CHD8: variants seen among roughly 807,000 people sequenced by gnomAD.
The protein encoded by CHD8 is ATP-dependent chromatin remodeler CHD8.
Under a neutral mutation model 279.2 loss-of-function variants are expected in CHD8, and 31 were observed. The ratio of observed to expected loss-of-function variants is 0.11; its 90% CI spans 0.08 to 0.15. The LOEUF (loss-of-function observed/expected upper bound fraction) is 0.15. Ranked by LOEUF, CHD8 falls within the 10% of genes least tolerant of loss-of-function variation. CHD8 has a pLI of 1.00. For missense variants in CHD8, 2,146 were observed against 3,230.5 expected, an observed-to-expected ratio of 0.66 and a Z score of 8.14; for synonymous variants, 1,081 against 1,139.6, an observed-to-expected ratio of 0.95 and a Z score of 1.04.
rs781420567 is a variant in CHD8 at position 21,431,016 on chromosome 14, G to A, written c.628C>T (p.Pro210Ser). The A allele has an allele frequency of 5.0e-6, 8 of 1,599,528 alleles. No individual in the cohort carries two copies. The South Asian group carries it at 7.7e-5, about 15-fold the overall frequency. Residue 210 changes from proline to serine, a missense_variant, in exon 2 of 38, where the codon CCC (proline) becomes TCC (serine). Coordinates refer to ENST00000646647, the MANE Select transcript of CHD8 (RefSeq NM_001170629.2). The stretch of plus-strand genomic sequence containing the variant: ...ACAATGGAAACACCTGGTCGAAGGG[G>A]TGTGCCGGTTAGCACTTTGGTAAAA... ...VTFTKVLTGT[P>S]LRPGVSIVSG... is the part of the protein sequence containing the mutation.
At chr14:21,414,699 A>G (rs765121502) in intron 8 of CHD8, 17 of 599,716 alleles carry the variant, frequency 2.8e-5, no homozygotes, top group Non-Finnish European at 5.0e-5. Context: ...AAACTAAGGT[A>G]AAGAGAATCA....
chr14:21,392,430 A>G, intron 34 of CHD8, 77 bp downstream of exon 34: 1 of 1,362,600 alleles, frequency 7.3e-7, no homozygotes, highest in Non-Finnish European at 1.0e-6. Flanking sequence ...TGAGTTTAGT[A>G]ACCTATTAGT....
chr14:21,449,018 C>CA (rs1381597187), intron 1 of CHD8, among the ~76,000 whole-genome samples: 3 of 151,372 alleles, frequency 2.0e-5, no homozygotes, highest in Admixed American at 6.6e-5. Flanking sequence ...ACTAAAAATA[C>CA]AAAAAATTAG....
At chr14:21,409,216 T>C (rs1888378410) in intron 11 of CHD8, among the ~76,000 whole-genome samples, 1 of 152,214 alleles carries the variant, frequency 6.6e-6, no homozygotes, top group East Asian at 1.9e-4. Flanking sequence ...TATTGGACAG[T>C]GTAGCTCTAA....
In CHD8 at chr14:21,402,506, G is replaced by A; in HGVS notation, c.3715-3C>T. 1.3e-6 allele frequency: 2 copies of A among 1,568,442 alleles called. No individual in the cohort carries two copies. Among genetic ancestry groups the A allele is most frequent in the South Asian group, 1.2e-5 (1 of 84,552 alleles). On this transcript the variant is annotated splice_polypyrimidine_tract_variant and splice_region_variant and intron_variant, in intron 18 of 37. Coordinates refer to ENST00000646647, the MANE Select transcript of CHD8 (RefSeq NM_001170629.2). The surrounding 1 kb of genome is among the most constrained non-coding windows in gnomAD (Gnocchi z 4.5). The stretch of plus-strand genomic sequence containing the variant: ...ATTCGATGACATCGTGCCTGGGCCT[G>A]GTTTAAAATAAAAACGAAAGGAAAG...
chr14:21,386,797 C>G (rs1435198434), intron 37 of CHD8, among the ~76,000 whole-genome samples: 3 of 151,446 alleles, frequency 2.0e-5, no homozygotes, highest in Non-Finnish European at 4.4e-5. Flanking sequence ...CGAGATCGCG[C>G]CACTGCACTC....
intron 9 of CHD8, 80 bp from the exon 10 acceptor site, chr14:21,413,076 G>C: frequency 1.2e-6 from 1 of 825,532 alleles, no homozygotes; most frequent in Admixed American, 2.1e-5. Context: ...ACCTTTAGCA[G>C]AGAATCCTAC....
chr14:21,408,685 G>A lies in CHD8; in HGVS notation c.2486+19C>T, dbSNP rs1030907588. Reference sequence around the variant, plus strand: ...TCCCAGAACTAAGCTTACATCTTATGGCCCATTCTTTCCTTTACCTGTTAT... The same window carrying A: ...TCCCAGAACTAAGCTTACATCTTATAGCCCATTCTTTCCTTTACCTGTTAT... On this transcript the variant is annotated intron_variant, in intron 12 of 37. Coordinates refer to ENST00000646647, the MANE Select transcript of CHD8 (RefSeq NM_001170629.2). This position sits in a 1 kb window ranked among gnomAD's most constrained non-coding sequence, Gnocchi z 4.3. 2.5e-6 allele frequency: 4 copies of A among 1,606,346 alleles called. No individual in the cohort carries two copies. The highest frequency in any genetic ancestry group is 1.7e-5 in the Admixed American group (1 of 58,696).
Position 21,431,408 on chromosome 14 carries a change from G to A in CHD8, c.236C>T (p.Ser79Phe). Reference sequence around the variant, plus strand: ...TGGAGCTGGAGCTGTGGATTCTTTGGAAAGTTCTGTGGGAGCTGTTTCCTC... The same window carrying A: ...TGGAGCTGGAGCTGTGGATTCTTTGAAAAGTTCTGTGGGAGCTGTTTCCTC... ...PPEETAPTELSKESTAPAPES... is the reference protein window; with the variant it reads ...PPEETAPTELFKESTAPAPES... Residue 79 changes from serine (S) to phenylalanine (F), a missense_variant, in exon 2 of 38, where the codon TCC becomes TTC. By Grantham distance (155) the Ser-to-Phe change is radical (BLOSUM62 -2). Around this residue, in one of 26 missense-constraint regions of CHD8, gnomAD observed 302 missense variants for 325.5 expected, o/e 0.93. Coordinates refer to ENST00000646647, the MANE Select transcript of CHD8 (RefSeq NM_001170629.2). 1.3e-6 allele frequency: 2 copies of A among 1,537,244 alleles called. No individual in the cohort carries two copies. The highest frequency in any genetic ancestry group is 1.7e-6 in the Non-Finnish European group (2 of 1,146,910).
rs1276089166 is a variant in CHD8 at position 21,401,057 on chromosome 14, A to G, written c.4188T>C (p.Ile1396=). The change falls in exon 22 of 38, where the codon ATT becomes ATC. Residue 1396 remains isoleucine (I), a synonymous_variant. Transcript: ENST00000646647. ...DLLNSKNNLV[I]DTPRVRKQTR... The stretch of plus-strand genomic sequence containing the variant: ...TTTGTTTTCGTACTCTAGGTGTGTC[A>G]ATTACCAAATTATTCTATGAAGAGA... 2 of 1,606,586 alleles carry G rather than the reference A, an allele frequency of 1.2e-6. No individual in the cohort carries two copies. Among genetic ancestry groups the G allele is most frequent in the East Asian group, 2.2e-5 (1 of 44,784 alleles).
intron 5 of CHD8, among the ~76,000 whole-genome samples, chr14:21,417,030 G>C (rs1234977435): frequency 6.6e-6 from 1 of 152,148 alleles, no homozygotes; most frequent in African/African-American, 2.4e-5. Context: ...AACCCGGGGG[G>C]TGGAGGTTGC....
chr14:21,395,409 G>A, intron 28 of CHD8, 57 bp from the exon 29 acceptor site: 6 of 1,269,012 alleles, frequency 4.7e-6, no homozygotes, highest in Middle Eastern at 1.8e-4. Flanking sequence ...GGGGGAAGTT[G>A]GCACTCTGAA....
chr14:21,399,068 A>C lies in CHD8; in HGVS notation c.4921+534T>G, dbSNP rs144490359. 237 of 370,488 alleles carry C rather than the reference A, an allele frequency of 6.4e-4. 3 individuals are homozygous for C. In the East Asian group the frequency reaches 0.015, roughly 23 times the overall value. 23.0% of individuals were successfully genotyped at this position (370,488 alleles called of 1,614,324 possible). ...AGCAGCATCTGATATTTGTGAACAA[A>C]CAGTTGGAGGATGGCCGTACTCTTT... On this transcript the variant is annotated intron_variant, in intron 26 of 37. Transcript: ENST00000646647.
Position 21,400,380 on chromosome 14 carries a change from T to C in CHD8, c.4570+33A>G, listed in dbSNP as rs373380918. The stretch of plus-strand genomic sequence containing the variant: ...ACCTGAAAAGGATTAGATTAACCTA[T>C]AGAAAAACATAAAGTAAAGAGTTGA... On this transcript the variant is annotated intron_variant, in intron 23 of 37. Transcript: ENST00000646647. The surrounding 1 kb of genome is among the most constrained non-coding windows in gnomAD (Gnocchi z 4.2). 23 of 1,597,658 alleles carry C rather than the reference T, an allele frequency of 1.4e-5. No individual in the cohort carries two copies. Among genetic ancestry groups the C allele is most frequent in the Middle Eastern group, 3.4e-4 (2 of 5,934 alleles).
Position 21,430,899 on chromosome 14 carries a change from C to T in CHD8, c.745G>A (p.Val249Ile). ...VQPSRPVKQL[V>I]LQPVKGSAPA... is the part of the protein sequence containing the mutation. Reference sequence around the variant, plus strand: ...GCTGAACCCTTAACTGGCTGGAGGACCAGCTGCTTTACTGGTCGGCTGGGC... The same window carrying T: ...GCTGAACCCTTAACTGGCTGGAGGATCAGCTGCTTTACTGGTCGGCTGGGC... The change falls in exon 2 of 38, where the codon GTC becomes ATC. Residue 249 changes from valine to isoleucine, a missense_variant. By Grantham distance (29) the Val-to-Ile change is conservative. This residue lies in a region of CHD8 where 302 missense variants were observed against 325.5 expected (regional missense o/e 0.93). Transcript: ENST00000646647. 2 of 1,599,402 alleles carry T rather than the reference C, an allele frequency of 1.3e-6. No homozygotes were observed. Among genetic ancestry groups the T allele is most frequent in the South Asian group, 2.2e-5 (2 of 91,036 alleles).
intron 4 of CHD8, chr14:21,426,497 G>A (rs573575499): frequency 2.0e-5 from 8 of 398,414 alleles, no homozygotes; most frequent in East Asian, 1.4e-4. Flanking sequence ...CTGAAGGAAG[G>A]TAGCACAAGA....
rs140676325 is a variant in CHD8, at chr14:21,399,768, A to T, written c.4818-63T>A. ...AGGAAATTAAAGTGAGAATCCTTGC[A>T]AAGGTTATTATAGGTATCTTCCTGT... is the stretch of plus-strand genomic sequence containing the variant. On this transcript the variant is annotated intron_variant, in intron 25 of 37. Coordinates refer to ENST00000646647, the MANE Select transcript of CHD8 (RefSeq NM_001170629.2). 3.8e-3 allele frequency: 4,595 copies of T among 1,197,324 alleles called. 129 individuals are homozygous for T. Among genetic ancestry groups the T allele is most frequent in the Non-Finnish European group, 5.8e-4 (463 of 801,788 alleles). 74.2% of individuals were successfully genotyped at this position (1,197,324 alleles called of 1,614,324 possible).
At chr14:21,439,078 G>C (rs1889891149) in intron 1 of CHD8, among the ~76,000 whole-genome samples, 1 of 152,028 alleles carries the variant, frequency 6.6e-6, no homozygotes, top group African/African-American at 2.4e-5. Context: ...AGTGAGCCAA[G>C]ATCATGCCAA....
chr14:21,390,763 C>T lies in CHD8; in HGVS notation c.7182+184G>A, dbSNP rs1318978394. Reference sequence around the variant, plus strand: ...ACTGCACGACAGCAGAGTGAGACTCCGTCTCAAAAAAAAAAAAAAAACCCC... The same window carrying T: ...ACTGCACGACAGCAGAGTGAGACTCTGTCTCAAAAAAAAAAAAAAAACCCC... On this transcript the variant is annotated intron_variant, in intron 37 of 37. Transcript: ENST00000646647. Among the ~76,000 whole-genome samples the T allele has an allele frequency of 9.5e-4, 59 of 61,988 alleles. 2 individuals carry two copies. Among genetic ancestry groups the T allele is most frequent in the African/African-American group, 2.2e-3 (50 of 22,460 alleles). The allele number at this position is 61,988 out of a possible 152,430, so 40.7% of individuals were successfully genotyped here.
Sources: allele counts gnomAD v4.1 joint callset (sites outside exome capture counted in the v4.1 genomes callset), GRCh38; gene constraint gnomAD v4.1.1; regional missense constraint gnomAD v4.1.1; non-coding constraint Gnocchi (gnomAD v3.1); transcripts MANE v1.5; gene names NCBI Gene and HGNC (gene_info 2026-07-23, HGNC 2026-07-21).